The following IFNAR1 variants were observed in gnomAD, a reference collection of about 807,000 sequenced individuals.
The protein encoded by IFNAR1 is interferon alpha/beta receptor 1.
A neutral mutation model predicts 62.1 loss-of-function variants in IFNAR1; 47 were observed. That is an observed-to-expected ratio of 0.76 (90% CI 0.60 to 0.97). IFNAR1 has a LOEUF of 0.97. IFNAR1 is among the 50% of genes least tolerant of loss of function. The pLI, the probability that IFNAR1 is intolerant of heterozygous loss-of-function variation, is 0.00. For missense variants in IFNAR1, 638 were observed against 654.5 expected (o/e 0.97, Z 0.27); for synonymous variants, 219 against 226.9 (o/e 0.97, Z 0.31).
At chr21:33,348,533 T>G (rs1033127783) in intron 6 of IFNAR1, among the ~76,000 whole-genome samples, 2 of 152,186 alleles carry the variant, frequency 1.3e-5, no homozygotes, top group African/African-American at 4.8e-5. Flanking sequence ...TAGTAATGGT[T>G]TTTCTTTAAA....
At chr21:33,341,891 G>C (rs1177393527) in intron 3 of IFNAR1, among the ~76,000 whole-genome samples, 2 of 152,050 alleles carry the variant, frequency 1.3e-5, no homozygotes, top group Non-Finnish European at 2.9e-5. Context: ...ATGTTGGTCA[G>C]GCTGACCTCA....
At chr21:33,335,294 A>G (rs1349716195) in intron 1 of IFNAR1, among the ~76,000 whole-genome samples, 3 of 152,184 alleles carry the variant, frequency 2.0e-5, no homozygotes, top group South Asian at 2.1e-4. Context: ...AGACAACTCT[A>G]TTTCAAAGAG....
intron 8 of IFNAR1, among the ~76,000 whole-genome samples, chr21:33,352,301 G>C (rs1460818024): frequency 2.0e-5 from 3 of 152,070 alleles, no homozygotes; most frequent in Non-Finnish European, 1.5e-5. Flanking sequence ...TTTGGTTATA[G>C]TGGTGTATCT....
intron 2 of IFNAR1, among the ~76,000 whole-genome samples, chr21:33,338,766 G>A (rs976180873): frequency 1.5e-4 from 23 of 149,166 alleles, no homozygotes; most frequent in African/African-American, 3.7e-4. Flanking sequence ...TTTTTGAGAC[G>A]GAGTCTTGCT....
At chr21:33,339,185 A>C in intron 2 of IFNAR1, among the ~76,000 whole-genome samples, 1 of 152,228 alleles carries the variant, frequency 6.6e-6, no homozygotes. Flanking sequence ...TTGAAATTAT[A>C]TTAAGTTTTA....
Position 33,349,509 on chromosome 21 carries a change from A to G in IFNAR1, c.1109A>G (p.Glu370Gly), listed in dbSNP as rs768458064. The part of the protein sequence containing the change: ...PVIQDYPLIY[E>G]IIFWENTSNA... ...ATCCAGGATTATCCACTGATTTATG[A>G]AATTATTTTTTGGGAAAACACTTCA... Residue 370 changes from glutamate (E) to glycine (G), a missense_variant, in exon 8 of 11, where the codon GAA becomes GGA. Coordinates refer to ENST00000270139, the MANE Select transcript of IFNAR1 (RefSeq NM_000629.3). 1 of 1,611,542 alleles carries G rather than the reference A, an allele frequency of 6.2e-7. No individual in the cohort carries two copies. The highest frequency in any genetic ancestry group is 2.2e-5 in the East Asian group (1 of 44,852).
chr21:33,359,190 A>G lies in IFNAR1; in HGVS notation c.*3641A>G, dbSNP rs1357368989. 1 of 152,210 alleles carries G rather than the reference A, an allele frequency of 6.6e-6. No individual in the cohort carries two copies. Among genetic ancestry groups the G allele is most frequent in the African/African-American group, 2.4e-5 (1 of 41,444 alleles). The allele number at this position is 152,210 out of a possible 1,614,324, so 9.4% of individuals were successfully genotyped here. A position where few individuals can be genotyped will look rare whatever the true frequency, so the allele number is the denominator to read the frequency against. ...TTGTTTTACTGAATTGTAGAAGGAC[A>G]TAACCGTGTTTTCAGTGTTTCTATG... On this transcript the variant is annotated 3_prime_UTR_variant, in exon 11 of 11. Transcript: ENST00000270139.
chr21:33,339,323 T>C (rs990190596), intron 2 of IFNAR1, among the ~76,000 whole-genome samples: 21 of 152,322 alleles, frequency 1.4e-4, no homozygotes, highest in African/African-American at 4.6e-4. Flanking sequence ...GCCTCAGATA[T>C]GTAAAAGTGG....
chr21:33,337,739 TATAC>T (rs1167502536), intron 2 of IFNAR1, among the ~76,000 whole-genome samples: 4 of 148,300 alleles, frequency 2.7e-5, no homozygotes, highest in African/African-American at 7.3e-5. Flanking sequence ...ACACATTGTG[TATAC>T]ATACATATAC....
chr21:33,334,600 A>AAGGGCACTAGACAG, intron 1 of IFNAR1: 1 of 607,050 alleles, frequency 1.6e-6, no homozygotes, highest in South Asian at 1.5e-5. Flanking sequence ...GGTGAAATGA[A>AAGGGCACTAGACAG]AGGGCACTAG....
At chr21:33,345,000 C>A (rs545985658) in intron 5 of IFNAR1, among the ~76,000 whole-genome samples, 1 of 151,916 alleles carries the variant, frequency 6.6e-6, no homozygotes, top group Non-Finnish European at 1.5e-5. Flanking sequence ...GTTGGCCAGG[C>A]GCGTCTCGAA....
rs780724770 is a variant in IFNAR1, at chr21:33,341,004, G to A, written c.206G>A (p.Gly69Glu). The A allele has an allele frequency of 3.7e-6, 6 of 1,603,226 alleles. No individual in the cohort carries two copies. Among genetic ancestry groups the A allele is most frequent in the Non-Finnish European group, 4.3e-6 (5 of 1,171,804 alleles). The change falls in exon 3 of 11, where the codon GGG becomes GAG. Residue 69 changes from glycine (G) to glutamate (E), a missense_variant. By Grantham distance (98) the Gly-to-Glu change is moderately conservative (BLOSUM62 -2). Transcript: ENST00000270139. ...VTFSFDYQKT[G>E]MDNWIKLSGC... The stretch of plus-strand genomic sequence containing the variant: ...TTGTTTTTTTTACTTTAAAGAACTG[G>A]GATGGATAATTGGATAAAATTGTCT...
chr21:33,347,252 C>T (rs2083357560), intron 6 of IFNAR1, among the ~76,000 whole-genome samples: 1 of 152,028 alleles, frequency 6.6e-6, no homozygotes, highest in Non-Finnish European at 1.5e-5. Context: ...GCCTCAGCCT[C>T]CCAAGTAGCT....
chr21:33,328,215 G>A (rs60516729), intron 1 of IFNAR1, among the ~76,000 whole-genome samples: 1 of 152,168 alleles, frequency 6.6e-6, no homozygotes, highest in East Asian at 1.9e-4. Flanking sequence ...GCCCACGGAA[G>A]CAAAAAGAGT....
intron 1 of IFNAR1, among the ~76,000 whole-genome samples, chr21:33,329,181 T>C (rs2083154693): frequency 6.6e-6 from 1 of 152,192 alleles, no homozygotes; most frequent in South Asian, 2.1e-4. Context: ...TATAACATTT[T>C]CTATTCTTGT....
chr21:33,325,124 A>C lies in IFNAR1; in HGVS notation c.69A>C (p.Ala23=). ...LVAVAPWVLS[A]AAGGKNLKSP... The stretch of plus-strand genomic sequence containing the variant: ...CCGTGGCGCCATGGGTGTTGTCCGC[A>C]GCCGCAGGTGAGAGGCGGGGAGGAG... The change falls in exon 1 of 11, where the codon GCA becomes GCC. Residue 23 remains alanine (A), a synonymous_variant. Coordinates refer to ENST00000270139, the MANE Select transcript of IFNAR1 (RefSeq NM_000629.3). The C allele has an allele frequency of 2.5e-6, 4 of 1,611,016 alleles. No homozygotes were observed. The highest frequency in any genetic ancestry group is 2.5e-6 in the Non-Finnish European group (3 of 1,179,240).
chr21:33,324,873 G>A, upstream of IFNAR1: 2 of 550,366 alleles, frequency 3.6e-6, no homozygotes, highest in East Asian at 3.2e-5. Flanking sequence ...GTGGAGGAAC[G>A]GCGCGTGCGC....
At chr21:33,350,303 G>A (rs1256165024) in intron 8 of IFNAR1, among the ~76,000 whole-genome samples, 1 of 151,004 alleles carries the variant, frequency 6.6e-6, no homozygotes, top group African/African-American at 2.4e-5. Flanking sequence ...ATTGTCAAAT[G>A]TCCCCTGGTG....
chr21:33,328,216 C>T (rs201027890), intron 1 of IFNAR1, among the ~76,000 whole-genome samples: 1 of 152,094 alleles, frequency 6.6e-6, no homozygotes. Flanking sequence ...CCCACGGAAG[C>T]AAAAAGAGTG....
Sources: gnomAD v4.1 joint callset for allele counts (sites outside exome capture counted in the v4.1 genomes callset) on GRCh38, gnomAD v4.1.1 for gene constraint, MANE v1.5 for transcripts, NCBI Gene and HGNC (gene_info 2026-07-23, HGNC 2026-07-21) for gene names.